The following FOXP2 variants were observed in gnomAD, a reference collection of about 807,000 sequenced individuals.
FOXP2 encodes forkhead box protein P2.
Under a neutral mutation model 115.8 loss-of-function variants are expected in FOXP2, and 12 were observed. The ratio of observed to expected loss-of-function variants is 0.10; its 90% CI spans 0.07 to 0.17. FOXP2 has a LOEUF of 0.17. Among genes scored for constraint, FOXP2 ranks in the 10% least tolerant of loss-of-function variants. FOXP2 has a pLI of 1.00. For missense variants in FOXP2, 629 were observed against 843.5 expected (o/e 0.75, Z 3.15); for synonymous variants, 328 against 297.7 (o/e 1.10, Z -1.05).
chr7:114,329,567 A>G (rs1331890671), intron 2 of FOXP2, among the ~76,000 whole-genome samples: 2 of 151,850 alleles, frequency 1.3e-5, no homozygotes, highest in Non-Finnish European at 2.9e-5. Context: ...ATCTGAAAAA[A>G]CATATTTGAT....
At chr7:114,520,136 TG>T (rs1446982877) in intron 2 of FOXP2, among the ~76,000 whole-genome samples, 1 of 152,162 alleles carries the variant, frequency 6.6e-6, no homozygotes, top group Non-Finnish European at 1.5e-5. Context: ...ATGGGTAATT[TG>T]ATTTTTAGTA....
intron 2 of FOXP2, among the ~76,000 whole-genome samples, chr7:114,515,420 T>G (rs1798284876): frequency 6.6e-6 from 1 of 151,352 alleles, no homozygotes; most frequent in African/African-American, 2.4e-5. Context: ...CTAACTGGTG[T>G]GAGATGGTAT....
chr7:114,473,078 G>A (rs914591379), intron 2 of FOXP2, among the ~76,000 whole-genome samples: 6 of 152,162 alleles, frequency 3.9e-5, no homozygotes, highest in Non-Finnish European at 7.3e-5. Flanking sequence ...CTTGGAATGA[G>A]TAAGGCACTA....
intron 1 of FOXP2, among the ~76,000 whole-genome samples, chr7:114,215,786 A>C (rs1438725472): frequency 6.6e-6 from 1 of 152,054 alleles, no homozygotes; most frequent in African/African-American, 2.4e-5. Context: ...ATAGATTTCT[A>C]CCCCCACTTT....
chr7:114,344,755 C>T lies in FOXP2; in HGVS notation c.-11+56646C>T, dbSNP rs976097500. ...TGAATTCTTGTGAACTAAATGCAAA[C>T]TGTTTACATTAGGGCTTAAAATAAC... On this transcript the variant is annotated intron_variant, in intron 2 of 17. Coordinates refer to the FOXP2 transcript ENST00000634411. Among the ~76,000 whole-genome samples, 3 of 151,850 alleles carry T rather than the reference C, an allele frequency of 2.0e-5. No homozygotes were observed. The East Asian group carries it at 5.8e-4, about 29-fold the overall frequency.
rs527914926 is a variant in FOXP2 at position 114,523,759 on chromosome 7, T to C, written c.169-10858T>C. Among the ~76,000 whole-genome samples, 6 of 152,262 alleles carry C rather than the reference T, an allele frequency of 3.9e-5. No homozygotes were observed. The East Asian group carries it at 1.2e-3, about 29-fold the overall frequency. Reference sequence around the variant, plus strand: ...GTCCATCTCATCCTTTTGCTATCCATTAATAACCTCGTGAGCGTTCCTTCT... The same window carrying C: ...GTCCATCTCATCCTTTTGCTATCCACTAATAACCTCGTGAGCGTTCCTTCT... On this transcript the variant is annotated intron_variant, in intron 2 of 16. Transcript: ENST00000350908.
intron 2 of FOXP2, among the ~76,000 whole-genome samples, chr7:114,500,216 A>C (rs1396593487): frequency 1.7e-5 from 2 of 118,130 alleles, no homozygotes; most frequent in African/African-American, 4.0e-5. Context: ...ACTCCATCTC[A>C]AAAAAAAAAA....
At chr7:114,519,263 T>A (rs896243701) in intron 2 of FOXP2, among the ~76,000 whole-genome samples, 3 of 152,166 alleles carry the variant, frequency 2.0e-5, no homozygotes, top group African/African-American at 7.2e-5. Context: ...AAGATCCCTT[T>A]TGTAAAAATA....
rs1041759543 is a variant in FOXP2, at chr7:114,686,812, A to G, written c.2004-2970A>G. On this transcript the variant is annotated intron_variant, in intron 16 of 16. Transcript: ENST00000350908. ...TATACTTTTTAATATAATTATTTTT[A>G]AATTATGATTATTATAAAATTTTTA... Among the ~76,000 whole-genome samples, 4 of 152,004 alleles carry G rather than the reference A, an allele frequency of 2.6e-5. 1 individual carries two copies. The highest frequency in any genetic ancestry group is 7.2e-5 in the African/African-American group (3 of 41,436).
At chr7:114,291,310 G>T (rs1796582943) in intron 2 of FOXP2, among the ~76,000 whole-genome samples, 1 of 152,028 alleles carries the variant, frequency 6.6e-6, no homozygotes, top group Non-Finnish European at 1.5e-5. Flanking sequence ...ATTCATGAGG[G>T]CTCCATCTTC....
At chr7:114,434,481 A>T (rs1458259576) in intron 2 of FOXP2, among the ~76,000 whole-genome samples, 1 of 151,220 alleles carries the variant, frequency 6.6e-6, no homozygotes, top group Non-Finnish European at 1.5e-5. Flanking sequence ...GATGTATTAT[A>T]TGTATAAATA....
chr7:114,589,400 A>G (rs1243315783), intron 3 of FOXP2, among the ~76,000 whole-genome samples: 2 of 152,180 alleles, frequency 1.3e-5, no homozygotes, highest in Non-Finnish European at 2.9e-5. Flanking sequence ...GTAGACAAGT[A>G]GACAAGTTTC....
At chr7:114,252,401 G>C (rs570105864) in intron 1 of FOXP2, among the ~76,000 whole-genome samples, 36 of 152,124 alleles carry the variant, frequency 2.4e-4, no homozygotes, top group African/African-American at 8.7e-4. Flanking sequence ...GGTGGAATTC[G>C]GCTGTGAATC....
At chr7:114,096,912 A>G (rs1351354893) in intron 1 of FOXP2, among the ~76,000 whole-genome samples, 5 of 152,186 alleles carry the variant, frequency 3.3e-5, no homozygotes, top group Admixed American at 2.0e-4. Context: ...TTATGTTTAC[A>G]TGTTAACTAT....
At chr7:114,451,676 C>A (rs1282076405) in intron 2 of FOXP2, among the ~76,000 whole-genome samples, 3 of 151,922 alleles carry the variant, frequency 2.0e-5, no homozygotes, top group Non-Finnish European at 4.4e-5. Flanking sequence ...CATCATTTAC[C>A]TAGCACAGTA....
At chr7:114,673,506 T>G (rs1807603078) in intron 16 of FOXP2, among the ~76,000 whole-genome samples, 1 of 152,210 alleles carries the variant, frequency 6.6e-6, no homozygotes, top group Admixed American at 6.5e-5. Context: ...CTGAAATCAT[T>G]TGGGAGTGAG....
intron 2 of FOXP2, among the ~76,000 whole-genome samples, chr7:114,473,434 T>G (rs1796131008): frequency 6.6e-6 from 1 of 152,184 alleles, no homozygotes; most frequent in Non-Finnish European, 1.5e-5. Context: ...GGGGTCTGCT[T>G]ATTAAAAGTT....
chr7:114,445,749 T>C (rs1794805871), intron 2 of FOXP2, among the ~76,000 whole-genome samples: 1 of 152,254 alleles, frequency 6.6e-6, no homozygotes, highest in East Asian at 1.9e-4. Context: ...AAAATTATAA[T>C]ATTTAATAGT....
intron 3 of FOXP2, among the ~76,000 whole-genome samples, chr7:114,614,723 C>T (rs2129319925): frequency 6.6e-6 from 1 of 152,100 alleles, no homozygotes; most frequent in South Asian, 2.1e-4. Context: ...AATCAGAAGA[C>T]ATAACGGAAG....
Sources: gnomAD v4.1 joint callset for allele counts (sites outside exome capture counted in the v4.1 genomes callset) on GRCh38, gnomAD v4.1.1 for gene constraint, MANE v1.5 for transcripts, NCBI Gene and HGNC (gene_info 2026-07-23, HGNC 2026-07-21) for gene names.